The following RABGAP1 variants were observed in gnomAD, a reference collection of about 807,000 sequenced individuals.
RABGAP1 encodes the protein rab GTPase-activating protein 1.
Under a neutral mutation model 137.6 loss-of-function variants are expected in RABGAP1, and 23 were observed. The ratio of observed to expected loss-of-function variants is 0.17; its 90% CI spans 0.12 to 0.24. The LOEUF is 0.24. Among genes scored for constraint, RABGAP1 ranks in the 10% least tolerant of loss-of-function variants. The pLI, the probability that RABGAP1 is intolerant of heterozygous loss-of-function variation, is 1.00. For missense variants in RABGAP1, 906 were observed against 1,275.8 expected (o/e 0.71, Z 4.42); for synonymous variants, 451 against 450.7 (o/e 1.00, Z -0.01).
At chr9:123,003,717 A>AATT (rs2029937952) in intron 10 of RABGAP1, among the ~76,000 whole-genome samples, 1 of 152,236 alleles carries the variant, frequency 6.6e-6, no homozygotes, top group Non-Finnish European at 1.5e-5. Context: ...GTAGAGAAGA[A>AATT]ACTAAACATT....
intron 13 of RABGAP1, among the ~76,000 whole-genome samples, chr9:123,063,699 C>CATTT (rs1386717468): frequency 1.3e-5 from 2 of 152,190 alleles, no homozygotes; most frequent in African/African-American, 4.8e-5. Flanking sequence ...ACACCTCAAT[C>CATTT]ATTTACACAT....
intron 1 of RABGAP1, among the ~76,000 whole-genome samples, chr9:122,943,347 G>A (rs962563587): frequency 2.8e-4 from 43 of 152,222 alleles, no homozygotes; most frequent in African/African-American, 7.2e-4. Context: ...GGGATTACAG[G>A]CGTGAGCCAC....
chr9:123,044,268 T>TA (rs1227130835), intron 13 of RABGAP1, among the ~76,000 whole-genome samples: 1 of 152,054 alleles, frequency 6.6e-6, no homozygotes, highest in Admixed American at 6.6e-5. Flanking sequence ...TTAACAGAAG[T>TA]AAAGGGAAAT....
chr9:123,001,422 T>G (rs997344094), intron 10 of RABGAP1, among the ~76,000 whole-genome samples: 10 of 152,214 alleles, frequency 6.6e-5, no homozygotes, highest in Admixed American at 6.5e-4. Flanking sequence ...CCATATTACA[T>G]TTTTTTATTT....
chr9:122,962,627 A>G (rs1446725382), intron 2 of RABGAP1, among the ~76,000 whole-genome samples: 2 of 152,210 alleles, frequency 1.3e-5, no homozygotes, highest in Admixed American at 6.5e-5. Flanking sequence ...TGTAAATGCT[A>G]TATTAGAAAA....
intron 9 of RABGAP1, among the ~76,000 whole-genome samples, chr9:122,997,602 A>G (rs1588239446): frequency 6.8e-6 from 1 of 147,384 alleles, no homozygotes; most frequent in African/African-American, 2.5e-5. Context: ...TTCTATTTAT[A>G]TGCTTATTTA....
intron 21 of RABGAP1, among the ~76,000 whole-genome samples, chr9:123,093,436 C>G (rs527512349): frequency 1.5e-3 from 229 of 152,328 alleles, no homozygotes; most frequent in African/African-American, 5.4e-3. Flanking sequence ...CGAGTCCCCT[C>G]TAGCAGGGTC....
intron 2 of RABGAP1, among the ~76,000 whole-genome samples, chr9:122,980,873 A>G (rs1162799350): frequency 6.6e-6 from 1 of 152,174 alleles, no homozygotes; most frequent in Non-Finnish European, 1.5e-5. Flanking sequence ...GGTGGAGTCA[A>G]GGGATTTGCA....
chr9:123,082,043 T>C (rs566151610), intron 19 of RABGAP1, among the ~76,000 whole-genome samples: 2 of 152,168 alleles, frequency 1.3e-5, no homozygotes, highest in Non-Finnish European at 2.9e-5. Flanking sequence ...CTCAAAAATG[T>C]CTATCTTCTT....
chr9:123,079,633 T>C (rs909923869), intron 19 of RABGAP1, among the ~76,000 whole-genome samples: 1 of 152,214 alleles, frequency 6.6e-6, no homozygotes, highest in Non-Finnish European at 1.5e-5. Context: ...ACTCTGATTC[T>C]TTCTCCTACT....
upstream of RABGAP1, chr9:122,940,356 CTCT>C: frequency 6.6e-6 from 1 of 152,220 alleles, no homozygotes; most frequent in East Asian, 1.9e-4. Context: ...CATTTCTGTC[CTCT>C]TGTGTGCCTT....
intron 10 of RABGAP1, among the ~76,000 whole-genome samples, chr9:123,007,081 G>T (rs1256666231): frequency 1.5e-5 from 1 of 68,504 alleles, no homozygotes; most frequent in East Asian, 4.7e-4. Context: ...TCATTTGTTT[G>T]TGGGTTTATT....
intron 2 of RABGAP1, among the ~76,000 whole-genome samples, chr9:122,983,087 C>T (rs1381315293): frequency 3.3e-5 from 5 of 151,150 alleles, no homozygotes; most frequent in Non-Finnish European, 7.4e-5. Flanking sequence ...AGGCTGGTCT[C>T]GAACTCCTGA....
intron 8 of RABGAP1, 186 bp from the exon 9 acceptor site, chr9:122,997,073 T>G: frequency 1.7e-6 from 1 of 591,556 alleles, no homozygotes; most frequent in South Asian, 2.0e-5. Context: ...CATATACATA[T>G]AACTTCAGGA....
intron 2 of RABGAP1, chr9:122,971,973 T>C (rs1946484198): frequency 6.6e-6 from 1 of 152,216 alleles, no homozygotes; most frequent in Non-Finnish European, 1.5e-5. Context: ...AGTGGAATGA[T>C]AGTAGAACTG....
chr9:123,085,263 G>C (rs1406258094), intron 19 of RABGAP1, among the ~76,000 whole-genome samples: 1 of 152,138 alleles, frequency 6.6e-6, no homozygotes, highest in Non-Finnish European at 1.5e-5. Context: ...GCCTCAGGGG[G>C]CCCATGAGCC....
intron 13 of RABGAP1, chr9:123,062,151 C>G (rs936567211): frequency 6.6e-6 from 1 of 152,262 alleles, no homozygotes; most frequent in Non-Finnish European, 1.5e-5. Flanking sequence ...GCCTGTAATC[C>G]CAGCTACTTG....
intron 13 of RABGAP1, among the ~76,000 whole-genome samples, chr9:123,051,958 ATTTTTTTTT>A (rs58591585): frequency 7.7e-6 from 1 of 130,670 alleles, no homozygotes; most frequent in Non-Finnish European, 1.7e-5. Context: ...CGCCCGGCTA[ATTTTTTTTT>A]TTTTTTTTTT....
chr9:123,015,159 C>G (rs959408583), intron 11 of RABGAP1, among the ~76,000 whole-genome samples: 1 of 152,058 alleles, frequency 6.6e-6, no homozygotes, highest in African/African-American at 2.4e-5. Context: ...TATTGTTGGA[C>G]AGTTAGGTAG....
Sources: gnomAD v4.1 joint callset for allele counts (sites outside exome capture counted in the v4.1 genomes callset) on GRCh38, gnomAD v4.1.1 for gene constraint, MANE v1.5 for transcripts, NCBI Gene and HGNC (gene_info 2026-07-23, HGNC 2026-07-21) for gene names.